TBC1D22A: variants seen among roughly 807,000 people sequenced by gnomAD.
TBC1D22A encodes the protein putative GTPase activator.
Under a neutral mutation model 60.2 loss-of-function variants are expected in TBC1D22A, and 38 were observed. The ratio of observed to expected loss-of-function variants is 0.63; its 90% CI spans 0.49 to 0.83. The LOEUF is 0.83. TBC1D22A is among the 40% of genes least tolerant of loss of function. The probability of loss-of-function intolerance (pLI) is 0.00; values close to 1 mark genes in which losing one functional copy is unlikely to be tolerated. For missense variants in TBC1D22A, 628 were observed against 701.0 expected, an observed-to-expected ratio of 0.90 and a Z score of 1.18; for synonymous variants, 302 against 281.7, an observed-to-expected ratio of 1.07 and a Z score of -0.72.
intron 8 of TBC1D22A, among the ~76,000 whole-genome samples, chr22:46,947,952 C>G (rs2072653789): frequency 6.6e-6 from 1 of 152,180 alleles, no homozygotes; most frequent in African/African-American, 2.4e-5. Flanking sequence ...TTTTAGAATC[C>G]TGCCCTCACC....
chr22:46,774,495 T>TG (rs1268878772), intron 1 of TBC1D22A, among the ~76,000 whole-genome samples: 1 of 152,232 alleles, frequency 6.6e-6, no homozygotes, highest in Non-Finnish European at 1.5e-5. Flanking sequence ...TGAGTCCAGT[T>TG]GCTTAGAATA....
At chr22:46,956,928 C>T (rs910988281) in intron 8 of TBC1D22A, among the ~76,000 whole-genome samples, 2 of 152,146 alleles carry the variant, frequency 1.3e-5, no homozygotes, top group Non-Finnish European at 2.9e-5. Flanking sequence ...GAACTAAGTT[C>T]CAGAAGGGTG....
intron 11 of TBC1D22A, among the ~76,000 whole-genome samples, chr22:47,074,700 C>T (rs1007437940): frequency 5.3e-5 from 8 of 152,344 alleles, no homozygotes; most frequent in African/African-American, 1.2e-4. Context: ...TCTGTTCTGT[C>T]GGTTCTGTGA....
intron 7 of TBC1D22A, among the ~76,000 whole-genome samples, chr22:46,903,017 CATG>C (rs2069119583): frequency 6.6e-6 from 1 of 152,240 alleles, no homozygotes; most frequent in South Asian, 2.1e-4. Flanking sequence ...TCTGGAGGGT[CATG>C]CCCAATTGCT....
intron 1 of TBC1D22A, among the ~76,000 whole-genome samples, chr22:46,791,211 G>A (rs1022525215): frequency 4.6e-5 from 7 of 152,146 alleles, no homozygotes; most frequent in African/African-American, 1.4e-4. Context: ...TTGTGCAGAC[G>A]TGGTTTCGCC....
Position 47,156,774 on chromosome 22 carries a change from C to T in TBC1D22A, c.1426-16724C>T, listed in dbSNP as rs137952394. On this transcript the variant is annotated intron_variant, in intron 12 of 12. Transcript: ENST00000337137. Reference sequence around the variant, plus strand: ...AAGTGCACTTGCCTGCGTAGCCATCCGGCAGCCCTCCCCTTCTCCGGCCCC... The same window carrying T: ...AAGTGCACTTGCCTGCGTAGCCATCTGGCAGCCCTCCCCTTCTCCGGCCCC... Among the ~76,000 whole-genome samples, 97 of 152,288 alleles carry T rather than the reference C, an allele frequency of 6.4e-4. 1 individual carries two copies. In the South Asian group the frequency reaches 0.014, roughly 22 times the overall value.
chr22:47,072,546 A>G (rs1402023640), intron 11 of TBC1D22A, among the ~76,000 whole-genome samples: 1 of 152,164 alleles, frequency 6.6e-6, no homozygotes, highest in Non-Finnish European at 1.5e-5. Flanking sequence ...TGCCTTATGC[A>G]CTTGGCCACA....
At chr22:46,937,836 A>G (rs927300473) in intron 8 of TBC1D22A, among the ~76,000 whole-genome samples, 1 of 152,200 alleles carries the variant, frequency 6.6e-6, no homozygotes, top group East Asian at 1.9e-4. Flanking sequence ...ATTTAACAAA[A>G]AAGTTGAAAA....
intron 4 of TBC1D22A, among the ~76,000 whole-genome samples, chr22:46,862,219 G>T (rs779842017): frequency 3.9e-5 from 6 of 152,222 alleles, no homozygotes; most frequent in African/African-American, 1.4e-4. Context: ...GTGAATGTCA[G>T]CTTTTGTTCC....
intron 5 of TBC1D22A, among the ~76,000 whole-genome samples, chr22:46,881,926 A>G (rs990422904): frequency 3.3e-5 from 5 of 152,204 alleles, no homozygotes; most frequent in Admixed American, 2.0e-4. Flanking sequence ...CACAGTGCAC[A>G]ATGCGAGTCA....
chr22:47,039,749 T>C (rs2062776609), intron 11 of TBC1D22A, among the ~76,000 whole-genome samples: 1 of 147,060 alleles, frequency 6.8e-6, no homozygotes, highest in Non-Finnish European at 1.5e-5. Context: ...GCCTGGGTCA[T>C]TTGTAAAGAA....
rs530411872 is a variant in TBC1D22A, at chr22:46,910,656, G to A, written c.901-1418G>A. Among the ~76,000 whole-genome samples, 9 of 152,272 alleles carry A rather than the reference G, an allele frequency of 5.9e-5. No homozygotes were observed. In the East Asian group the frequency reaches 1.7e-3, roughly 29 times the overall value. ...AGTGGAGAGGAGTGGGAACTAGAGG[G>A]CCACACAGTAGGGAGTGGTTGGCTC... is the stretch of plus-strand genomic sequence containing the variant. On this transcript the variant is annotated intron_variant, in intron 7 of 12. Transcript: ENST00000337137.
chr22:46,955,500 C>T (rs73186521), intron 8 of TBC1D22A, among the ~76,000 whole-genome samples: 6,780 of 152,250 alleles, frequency 0.045, 164 homozygotes, highest in South Asian at 0.071. Flanking sequence ...CACCTTGACA[C>T]GTTTTCGTTT....
chr22:47,094,754 T>TTCA (rs1276072931), intron 11 of TBC1D22A, among the ~76,000 whole-genome samples: 1 of 152,152 alleles, frequency 6.6e-6, no homozygotes. Context: ...TTAGAGAGTG[T>TTCA]TCATACATTG....
intron 1 of TBC1D22A, among the ~76,000 whole-genome samples, chr22:46,783,832 CA>C: frequency 6.6e-6 from 1 of 152,008 alleles, no homozygotes; most frequent in Non-Finnish European, 1.5e-5. Flanking sequence ...AGGTTTATCT[CA>C]AAAAAATTTT....
chr22:47,173,460 T>A (rs1461624382), intron 12 of TBC1D22A, 38 bp from the exon 13 acceptor site: 1 of 1,607,654 alleles, frequency 6.2e-7, no homozygotes, highest in Admixed American at 1.7e-5. Context: ...CCACCGTGGG[T>A]CACCTCCTCT....
intron 4 of TBC1D22A, among the ~76,000 whole-genome samples, chr22:46,855,628 A>C (rs1055754985): frequency 6.6e-6 from 1 of 152,140 alleles, no homozygotes; most frequent in Non-Finnish European, 1.5e-5. Context: ...GCTGCTGGGT[A>C]GAAATCCAGG....
chr22:46,769,616 TG>T (rs910762781), intron 1 of TBC1D22A, among the ~76,000 whole-genome samples: 7 of 145,914 alleles, frequency 4.8e-5, no homozygotes, highest in African/African-American at 1.8e-4. Flanking sequence ...TGTATAGGAG[TG>T]GGGAGCGCTT....
At chr22:47,011,375 G>A (rs774090169) in intron 10 of TBC1D22A, among the ~76,000 whole-genome samples, 2 of 152,162 alleles carry the variant, frequency 1.3e-5, no homozygotes, top group Non-Finnish European at 1.5e-5. Context: ...GCCTTATGGT[G>A]CCCCGCCCAC....
Sources: gnomAD v4.1 joint callset for allele counts (sites outside exome capture counted in the v4.1 genomes callset) on GRCh38, gnomAD v4.1.1 for gene constraint, MANE v1.5 for transcripts, NCBI Gene and HGNC (gene_info 2026-07-23, HGNC 2026-07-21) for gene names.